The following OXNAD1 variants were observed in gnomAD, a reference collection of about 807,000 sequenced individuals.
OXNAD1 encodes oxidoreductase NAD-binding domain-containing protein 1.
A neutral mutation model predicts 32.9 loss-of-function variants in OXNAD1; 34 were observed. The observed-to-expected ratio is 1.03, with a 90% CI of 0.79 to 1.38. The LOEUF is 1.38. Ranked by LOEUF, OXNAD1 falls within the 40% of genes most tolerant of loss-of-function variation. The pLI, the probability that OXNAD1 is intolerant of heterozygous loss-of-function variation, is 0.00. For synonymous variants in OXNAD1, 134 were observed against 135.2 expected (o/e 0.99, Z 0.06); for missense variants, 407 against 379.4 (o/e 1.07, Z -0.60).
At chr3:16,347,373 CAGA>C (rs1390707828) in intron 9 of OXNAD1, among the ~76,000 whole-genome samples, 1 of 152,182 alleles carries the variant, frequency 6.6e-6, no homozygotes, top group Non-Finnish European at 1.5e-5. Flanking sequence ...TTCTGGAAGC[CAGA>C]AGTTCAAAAT....
At chr3:16,350,454 C>G (rs1205973873), downstream of OXNAD1, among the ~76,000 whole-genome samples, 1 of 149,722 alleles carries the variant, frequency 6.7e-6, no homozygotes, top group African/African-American at 2.5e-5. Flanking sequence ...CTGAAGCAAA[C>G]TTGAAAATTT....
chr3:16,335,792 AAAAG>A lies in OXNAD1; in HGVS notation c.*31-1319_*31-1316del, dbSNP rs200908353. Among the ~76,000 whole-genome samples the A allele has an allele frequency of 0.013, 2,049 of 151,850 alleles. 42 individuals are homozygous for A. Among genetic ancestry groups the A allele is most frequent in the African/African-American group, 0.047 (1,957 of 41,380 alleles). ...CTGGAACTTTAAAAAAAAAAAAAAA[AAAAG>A]GAGTTTGATCACACCATCAAATATC... On this transcript the variant is annotated intron_variant, in intron 9 of 9. Transcript: ENST00000435829. The surrounding 1 kb of genome is among the most constrained non-coding windows in gnomAD (Gnocchi z 4.7).
In OXNAD1 at chr3:16,297,918, A is replaced by G. The variant is rs2066912657; in HGVS notation, c.432+2921A>G. 3.9e-5 allele frequency among the ~76,000 whole-genome samples: 6 copies of G among 152,248 alleles called. No homozygotes were observed. On this transcript the variant is annotated intron_variant, in intron 6 of 8. Transcript: ENST00000285083. This position sits in a 1 kb window ranked among gnomAD's most constrained non-coding sequence, Gnocchi z 4.3. ...ATTTTGATGATTGTTACCCAGATCTATATGTGTGTTAAAATTCATAGAACC... is the reference window on the plus strand; with the variant it reads ...ATTTTGATGATTGTTACCCAGATCTGTATGTGTGTTAAAATTCATAGAACC...
rs2066143671 is a variant in OXNAD1, at chr3:16,287,355, G to A, written c.290+907G>A. Reference sequence around the variant, plus strand: ...GCAAGTGTGATAATAGCAAGAGTTAGCAGTCTTGTGTGTTAATAGTTTGCC... The same window carrying A: ...GCAAGTGTGATAATAGCAAGAGTTAACAGTCTTGTGTGTTAATAGTTTGCC... On this transcript the variant is annotated intron_variant, in intron 5 of 8. Transcript: ENST00000285083. The surrounding 1 kb of genome is among the most constrained non-coding windows in gnomAD (Gnocchi z 4.8). Among the ~76,000 whole-genome samples the A allele has an allele frequency of 6.6e-6, 1 of 152,178 alleles. No homozygotes were observed. The highest frequency in any genetic ancestry group is 2.1e-4 in the South Asian group (1 of 4,826).
rs550955619 is a variant in OXNAD1 at position 16,321,346 on chromosome 3, G to C, written c.*31-15766G>C. ...AATGGGGCTGGGTCTGAACCCTGAG[G>C]AACTTAGTGGGAAACCAGGAGAATG... On this transcript the variant is annotated intron_variant, in intron 9 of 9. Transcript: ENST00000435829. This position sits in a 1 kb window ranked among gnomAD's most constrained non-coding sequence, Gnocchi z 4.8. Among the ~76,000 whole-genome samples the C allele has an allele frequency of 2.6e-5, 4 of 152,284 alleles. No individual in the cohort carries two copies. Among genetic ancestry groups the C allele is most frequent in the South Asian group, 4.1e-4 (2 of 4,822 alleles).
At position 16,305,961 on chromosome 3, in the gene OXNAD1, C is replaced by T. The variant is rs2067525449; in HGVS notation, c.*2399C>T. ...GCTGGATGCCTTAGATGTGGTCTAA[C>T]TTGAAACCTTCATGTGGGTGTGCGT... On this transcript the variant is annotated 3_prime_UTR_variant, in exon 9 of 9. Transcript: ENST00000285083. The surrounding 1 kb of genome is among the most constrained non-coding windows in gnomAD (Gnocchi z 4.5). The T allele has an allele frequency of 6.6e-6, 1 of 152,200 alleles. No homozygotes were observed. Among genetic ancestry groups the T allele is most frequent in the Non-Finnish European group, 1.5e-5 (1 of 68,034 alleles). 9.4% of individuals were successfully genotyped at this position (152,200 alleles called of 1,614,324 possible). A position where few individuals can be genotyped will look rare whatever the true frequency, so the allele number is the denominator to read the frequency against.
intron 9 of OXNAD1, among the ~76,000 whole-genome samples, chr3:16,328,172 C>G (rs1351650679): frequency 1.3e-5 from 2 of 152,232 alleles, no homozygotes; most frequent in Non-Finnish European, 2.9e-5. Flanking sequence ...TCTGGCAGGG[C>G]CATGGGACTT....
chr3:16,301,931 T>G lies in OXNAD1; in HGVS notation c.675+63T>G. 1 of 1,550,890 alleles carries G rather than the reference T, an allele frequency of 6.4e-7. No homozygotes were observed. The highest frequency in any genetic ancestry group is 8.7e-7 in the Non-Finnish European group (1 of 1,150,442). ...AGTGGTATTAATTGTTCATGAAAGTTTTTTCTCTAGGTTTTGTTTTCTCTG... is the reference window on the plus strand; with the variant it reads ...AGTGGTATTAATTGTTCATGAAAGTGTTTTCTCTAGGTTTTGTTTTCTCTG... On this transcript the variant is annotated intron_variant, in intron 7 of 8. Coordinates refer to ENST00000285083, the MANE Select transcript of OXNAD1 (RefSeq NM_138381.5). The surrounding 1 kb of genome is among the most constrained non-coding windows in gnomAD (Gnocchi z 4.1).
chr3:16,272,022 C>A, intron 4 of OXNAD1: 1 of 501,556 alleles, frequency 2.0e-6, no homozygotes, highest in South Asian at 2.0e-5. Flanking sequence ...TATGTTTTAG[C>A]ACTAGAACTT....
At position 16,289,695 on chromosome 3, in the gene OXNAD1, G is replaced by A. The variant is rs975995571; in HGVS notation, c.290+3247G>A. On this transcript the variant is annotated intron_variant, in intron 5 of 8. Transcript: ENST00000285083. The surrounding 1 kb of genome is among the most constrained non-coding windows in gnomAD (Gnocchi z 4.9). Reference sequence around the variant, plus strand: ...TATTCCTTGGCATCTTTTTCAAACTGTGTCCTCCCCCATTACTCATCTGGT... The same window carrying A: ...TATTCCTTGGCATCTTTTTCAAACTATGTCCTCCCCCATTACTCATCTGGT... 6.6e-6 allele frequency among the ~76,000 whole-genome samples: 1 copy of A among 151,922 alleles called. No individual in the cohort carries two copies. Among genetic ancestry groups the A allele is most frequent in the Non-Finnish European group, 1.5e-5 (1 of 67,852 alleles).
Position 16,316,589 on chromosome 3 carries a change from A to G in OXNAD1, c.*30+12997A>G. 1.7e-6 allele frequency: 1 copy of G among 579,898 alleles called. No homozygotes were observed. The highest frequency in any genetic ancestry group is 3.1e-6 in the Non-Finnish European group (1 of 325,468). The allele number at this position is 579,898 out of a possible 1,614,324, so 35.9% of individuals were successfully genotyped here. ...GCCTTCAGCCATGAGGGCTAGAATA[A>G]CCTGACCTCTTGCATTCTAACACTG... On this transcript the variant is annotated intron_variant, in intron 9 of 9. Coordinates refer to the OXNAD1 transcript ENST00000435829. This position sits in a 1 kb window ranked among gnomAD's most constrained non-coding sequence, Gnocchi z 4.5.
intron 9 of OXNAD1, among the ~76,000 whole-genome samples, chr3:16,318,075 CAG>C (rs1453692117): frequency 1.3e-5 from 2 of 152,300 alleles, no homozygotes; most frequent in Non-Finnish European, 2.9e-5. Context: ...ACAGGGAAGT[CAG>C]GGGCTCAGAG....
At chr3:16,319,154 C>CAAA (rs1442349346) in intron 9 of OXNAD1, among the ~76,000 whole-genome samples, 2 of 152,064 alleles carry the variant, frequency 1.3e-5, no homozygotes, top group Non-Finnish European at 2.9e-5. Context: ...ATGGATGTTC[C>CAAA]AAAACAGTCA....
rs897959375 is a variant in OXNAD1 at position 16,337,153 on chromosome 3, C to T, written c.*72C>T. The stretch of plus-strand genomic sequence containing the variant: ...ATGAGGACAGGCCCAGGCTAGCCTT[C>T]GGATGATGAGAGACCTGTGGCCCTG... On this transcript the variant is annotated 3_prime_UTR_variant, in exon 10 of 10. Transcript: ENST00000435829. This position sits in a 1 kb window ranked among gnomAD's most constrained non-coding sequence, Gnocchi z 5.0. 1 of 152,218 alleles carries T rather than the reference C, an allele frequency of 6.6e-6. No homozygotes were observed. Among genetic ancestry groups the T allele is most frequent in the Non-Finnish European group, 1.5e-5 (1 of 68,054 alleles). 9.4% of individuals were successfully genotyped at this position (152,218 alleles called of 1,614,324 possible).
Position 16,345,817 on chromosome 3 carries a change from T to TGTGTGC in OXNAD1, c.*31-3358_*31-3357insTGTGCG, listed in dbSNP as rs1160939614. On this transcript the variant is annotated intron_variant, in intron 9 of 9. Transcript: ENST00000606098. The surrounding 1 kb of genome is among the most constrained non-coding windows in gnomAD (Gnocchi z 5.2). ...GTGTGTGTGTGTGTGTGTGTGTGTG[T>TGTGTGC]GCGCGCGCGCGTGCGCGCACGCGCA... 1.3e-3 allele frequency among the ~76,000 whole-genome samples: 98 copies of TGTGTGC among 74,606 alleles called. No homozygotes were observed. Among genetic ancestry groups the TGTGTGC allele is most frequent in the East Asian group, 7.7e-3 (19 of 2,462 alleles). 48.9% of individuals were successfully genotyped at this position (74,606 alleles called of 152,430 possible).
In OXNAD1 at chr3:16,334,779, TAAAGGGATGTG is replaced by T. The variant is rs2070687979; in HGVS notation, c.*31-2332_*31-2322del. ...CTGTGAAAATGTTCCCTTCGCATGGTAAAGGGATGTGGCAGATATGATTAAGCTAAGGATCT... is the reference window on the plus strand; with the variant it reads ...CTGTGAAAATGTTCCCTTCGCATGGTGCAGATATGATTAAGCTAAGGATCT... On this transcript the variant is annotated intron_variant, in intron 9 of 9. Coordinates refer to the OXNAD1 transcript ENST00000435829. The surrounding 1 kb of genome is among the most constrained non-coding windows in gnomAD (Gnocchi z 4.3). Among the ~76,000 whole-genome samples the T allele has an allele frequency of 6.6e-6, 1 of 152,134 alleles. No homozygotes were observed. The highest frequency in any genetic ancestry group is 1.5e-5 in the Non-Finnish European group (1 of 68,020).
In OXNAD1 at chr3:16,290,674, A is replaced by C. The variant is rs900991015; in HGVS notation, c.291-4182A>C. 6.6e-6 allele frequency among the ~76,000 whole-genome samples: 1 copy of C among 152,242 alleles called. No homozygotes were observed. Among genetic ancestry groups the C allele is most frequent in the Non-Finnish European group, 1.5e-5 (1 of 68,046 alleles). The stretch of plus-strand genomic sequence containing the variant: ...TTTATCTTGTCAGAAATGAAAAGAA[A>C]GTTAAAGTACTCATGGAAAAGAGTC... On this transcript the variant is annotated intron_variant, in intron 5 of 8. Coordinates refer to ENST00000285083, the MANE Select transcript of OXNAD1 (RefSeq NM_138381.5). The surrounding 1 kb of genome is among the most constrained non-coding windows in gnomAD (Gnocchi z 4.2).
intron 9 of OXNAD1, among the ~76,000 whole-genome samples, chr3:16,331,610 A>AT (rs1200172529): frequency 6.6e-6 from 1 of 152,140 alleles, no homozygotes; most frequent in East Asian, 1.9e-4. Context: ...CCCCTATTTA[A>AT]TGCTCATCGA....
At chr3:16,311,015 T>G (rs1319903962), downstream of OXNAD1, among the ~76,000 whole-genome samples, 1 of 73,052 alleles carries the variant, frequency 1.4e-5, no homozygotes, top group African/African-American at 6.1e-5. Flanking sequence ...AAAAAAAAAA[T>G]CATCTGGGAG....
Sources: gnomAD v4.1 joint callset for allele counts (sites outside exome capture counted in the v4.1 genomes callset) on GRCh38, gnomAD v4.1.1 for gene constraint, Gnocchi (gnomAD v3.1) non-coding constraint, MANE v1.5 for transcripts, NCBI Gene and HGNC (gene_info 2026-07-23, HGNC 2026-07-21) for gene names.